Variants in CPNE4 observed in about 807,000 individuals in gnomAD.
The protein encoded by CPNE4 is copine-4.
A neutral mutation model predicts 67.9 loss-of-function variants in CPNE4; 25 were observed. The observed-to-expected ratio is 0.37, with a 90% CI of 0.27 to 0.51. CPNE4 has a LOEUF of 0.51. Among genes scored for constraint, CPNE4 ranks in the 20% least tolerant of loss-of-function variants. CPNE4 has a pLI of 0.93. For synonymous variants in CPNE4, 242 were observed against 244.9 expected (o/e 0.99, Z 0.11); for missense variants, 464 against 690.8 (o/e 0.67, Z 3.68).
intron 2 of CPNE4, among the ~76,000 whole-genome samples, chr3:131,859,476 C>G (rs1470374320): frequency 2.0e-5 from 3 of 152,100 alleles, no homozygotes; most frequent in Non-Finnish European, 4.4e-5. Context: ...AATTACTTTC[C>G]CTCAAATTTA....
chr3:131,901,400 G>A (rs929151442), intron 2 of CPNE4, among the ~76,000 whole-genome samples: 3 of 152,010 alleles, frequency 2.0e-5, no homozygotes, highest in Non-Finnish European at 2.9e-5. Flanking sequence ...TTTTTTTAAA[G>A]GATATGATCC....
intron 11 of CPNE4, among the ~76,000 whole-genome samples, chr3:131,557,848 C>G (rs1423512636): frequency 6.6e-6 from 1 of 151,850 alleles, no homozygotes; most frequent in East Asian, 1.9e-4. Flanking sequence ...TCTAGTTAAG[C>G]CTGAAGTAAG....
chr3:131,604,913 G>A (rs962843292), intron 7 of CPNE4, among the ~76,000 whole-genome samples: 3 of 152,088 alleles, frequency 2.0e-5, no homozygotes, highest in Non-Finnish European at 2.9e-5. Context: ...TATAGGTGAC[G>A]CCTAAGAAGT....
chr3:131,725,522 A>C (rs2107750244), intron 2 of CPNE4, among the ~76,000 whole-genome samples: 1 of 152,328 alleles, frequency 6.6e-6, no homozygotes, highest in South Asian at 2.1e-4. Context: ...ATTTGAGCTA[A>C]ATTTTATATT....
At chr3:131,994,611 G>A in intron 1 of CPNE4, among the ~76,000 whole-genome samples, 1 of 152,154 alleles carries the variant, frequency 6.6e-6, no homozygotes, top group East Asian at 1.9e-4. Flanking sequence ...TCTTTTGAAG[G>A]TTTGTGTATT....
intron 2 of CPNE4, among the ~76,000 whole-genome samples, chr3:131,785,521 T>A (rs1281074469): frequency 2.0e-5 from 3 of 152,140 alleles, no homozygotes; most frequent in Non-Finnish European, 4.4e-5. Flanking sequence ...TCTTTCTTAT[T>A]TTTTTTCTTA....
chr3:131,885,146 G>C (rs543556732), intron 2 of CPNE4, among the ~76,000 whole-genome samples: 2 of 152,266 alleles, frequency 1.3e-5, no homozygotes, highest in East Asian at 3.9e-4. Flanking sequence ...AATGCTGATA[G>C]TGATAGGAAC....
chr3:131,925,321 A>G lies in CPNE4; in HGVS notation c.-1-19877T>C, dbSNP rs146853634. Reference sequence around the variant, plus strand: ...GCCAGAGCCGCCCAGAGTCATTCCTAGGCTGAGTTGGCTGTCCCACCTCAA... The same window carrying G: ...GCCAGAGCCGCCCAGAGTCATTCCTGGGCTGAGTTGGCTGTCCCACCTCAA... On this transcript the variant is annotated intron_variant, in intron 1 of 15. Coordinates refer to ENST00000429747, the MANE Select transcript of CPNE4 (RefSeq NM_130808.3). Among the ~76,000 whole-genome samples, 333 of 152,232 alleles carry G rather than the reference A, an allele frequency of 2.2e-3. 2 individuals carry two copies. Among genetic ancestry groups the G allele is most frequent in the African/African-American group, 7.8e-3 (324 of 41,550 alleles).
At chr3:131,744,554 T>A (rs2082439728) in intron 2 of CPNE4, among the ~76,000 whole-genome samples, 1 of 152,232 alleles carries the variant, frequency 6.6e-6, no homozygotes, top group African/African-American at 2.4e-5. Flanking sequence ...GGATCCCTCA[T>A]GTTGCCCTTC....
chr3:131,837,642 G>C (rs1321580648), intron 2 of CPNE4, among the ~76,000 whole-genome samples: 1 of 151,934 alleles, frequency 6.6e-6, no homozygotes, highest in African/African-American at 2.4e-5. Flanking sequence ...ATCTACACAT[G>C]TAATACATGT....
intron 1 of CPNE4, among the ~76,000 whole-genome samples, chr3:131,977,195 C>T (rs1377666424): frequency 1.3e-5 from 2 of 152,118 alleles, no homozygotes; most frequent in African/African-American, 2.4e-5. Context: ...TTAACTAATT[C>T]TTCTGAGCAA....
intron 1 of CPNE4, among the ~76,000 whole-genome samples, chr3:131,951,072 T>C (rs975705371): frequency 1.3e-5 from 2 of 152,208 alleles, no homozygotes; most frequent in South Asian, 2.1e-4. Context: ...CTCAGTTTTA[T>C]GAAAAATTCT....
intron 7 of CPNE4, among the ~76,000 whole-genome samples, chr3:131,590,018 G>A (rs1434144761): frequency 6.6e-6 from 1 of 152,200 alleles, no homozygotes; most frequent in African/African-American, 2.4e-5. Context: ...TTTGGGGTGG[G>A]AGGAGGGGAG....
At chr3:131,641,525 G>A (rs1336188914) in intron 7 of CPNE4, among the ~76,000 whole-genome samples, 1 of 152,078 alleles carries the variant, frequency 6.6e-6, no homozygotes, top group African/African-American at 2.4e-5. Context: ...TGATTTTGGT[G>A]TGGATGCAAT....
At chr3:131,730,581 T>A (rs536832944) in intron 2 of CPNE4, among the ~76,000 whole-genome samples, 1 of 152,186 alleles carries the variant, frequency 6.6e-6, no homozygotes, top group African/African-American at 2.4e-5. Flanking sequence ...GATAAGGTCA[T>A]ACTGGAGTAT....
At chr3:131,647,295 T>C (rs1449333248) in intron 7 of CPNE4, among the ~76,000 whole-genome samples, 1 of 152,216 alleles carries the variant, frequency 6.6e-6, no homozygotes, top group Non-Finnish European at 1.5e-5. Context: ...CAGTAAATCT[T>C]ACTGCCAAGG....
chr3:131,897,883 G>C (rs945519241), intron 2 of CPNE4, among the ~76,000 whole-genome samples: 8 of 151,434 alleles, frequency 5.3e-5, no homozygotes, highest in Admixed American at 3.9e-4. Context: ...CAGAGAGAGA[G>C]ACTCTGTCTC....
chr3:132,038,635 T>C (rs773491960), upstream of CPNE4, among the ~76,000 whole-genome samples: 1 of 152,202 alleles, frequency 6.6e-6, no homozygotes, highest in East Asian at 1.9e-4. Context: ...AGTTTTCTCA[T>C]TGTAAAAAGA....
intron 7 of CPNE4, among the ~76,000 whole-genome samples, chr3:131,607,573 G>T (rs921906444): frequency 6.6e-6 from 1 of 152,048 alleles, no homozygotes; most frequent in African/African-American, 2.4e-5. Context: ...TTTGATAAAT[G>T]GACCCAAGTT....
Sources: gnomAD v4.1 joint callset for allele counts (sites outside exome capture counted in the v4.1 genomes callset) on GRCh38, gnomAD v4.1.1 for gene constraint, MANE v1.5 for transcripts, NCBI Gene and HGNC (gene_info 2026-07-23, HGNC 2026-07-21) for gene names.